Variants in SYNJ1 observed in about 807,000 individuals in gnomAD.
The protein encoded by SYNJ1 is synaptojanin 1.
In SYNJ1, 78 loss-of-function variants were observed where a neutral mutation model predicts 168.2. That is an observed-to-expected ratio of 0.46 (90% CI 0.39 to 0.56). The LOEUF is 0.56. Ranked by LOEUF, SYNJ1 falls within the 20% of genes least tolerant of loss-of-function variation. The pLI, the probability that SYNJ1 is intolerant of heterozygous loss-of-function variation, is 0.00. For missense variants in SYNJ1, 1,303 were observed against 1,597.6 expected (o/e 0.82, Z 3.14); for synonymous variants, 539 against 548.6 (o/e 0.98, Z 0.24).
At chr21:32,691,223 T>A (rs1000683028) in intron 6 of SYNJ1, among the ~76,000 whole-genome samples, 1 of 152,200 alleles carries the variant, frequency 6.6e-6, no homozygotes, top group Non-Finnish European at 1.5e-5. Context: ...TGCCCCCTTG[T>A]ATTGTTCTCA....
chr21:32,701,565 A>C (rs2042401812), intron 3 of SYNJ1, among the ~76,000 whole-genome samples: 2 of 151,964 alleles, frequency 1.3e-5, no homozygotes, highest in Admixed American at 6.6e-5. Context: ...AAAAGGCTCA[A>C]GCAGACACTT....
At chr21:32,638,618 A>C (rs1444522587) in intron 31 of SYNJ1, among the ~76,000 whole-genome samples, 2 of 152,012 alleles carry the variant, frequency 1.3e-5, no homozygotes, top group African/African-American at 4.8e-5. Context: ...AATCGCTTGA[A>C]CCCGGGAGGC....
intron 2 of SYNJ1, among the ~76,000 whole-genome samples, chr21:32,713,903 G>A (rs2042930060): frequency 6.6e-6 from 1 of 152,222 alleles, no homozygotes; most frequent in Admixed American, 6.5e-5. Flanking sequence ...GGTCTGAATA[G>A]TGATTATCTT....
At chr21:32,668,168 G>A (rs1485517969) in intron 15 of SYNJ1, among the ~76,000 whole-genome samples, 1 of 151,964 alleles carries the variant, frequency 6.6e-6, no homozygotes, top group Non-Finnish European at 1.5e-5. Flanking sequence ...AGGTTCAAGC[G>A]ATTCTCCCTG....
rs930635623 is a variant in SYNJ1, at chr21:32,666,427, A to C, written c.1952+6T>G. 1.2e-6 allele frequency: 2 copies of C among 1,612,780 alleles called. No homozygotes were observed. The highest frequency in any genetic ancestry group is 2.7e-5 in the African/African-American group (2 of 74,964). ...GTAGCCTTAGAGGAGTGTTCTGTTT[A>C]CTGACCTGATAAAAGGAGCATGCTG... is the stretch of plus-strand genomic sequence containing the variant. On this transcript the variant is annotated splice_donor_region_variant and intron_variant, in intron 16 of 32. Transcript: ENST00000674351.
chr21:32,716,763 T>C (rs2043037522), intron 2 of SYNJ1, among the ~76,000 whole-genome samples: 1 of 152,216 alleles, frequency 6.6e-6, no homozygotes, highest in South Asian at 2.1e-4. Flanking sequence ...GGGATCCACA[T>C]ATTCATGTAT....
At chr21:32,646,313 T>C in intron 24 of SYNJ1, 80 bp downstream of exon 24, 1 of 1,416,456 alleles carries the variant, frequency 7.1e-7, no homozygotes, top group Non-Finnish European at 9.8e-7. Flanking sequence ...CACCTAGGTA[T>C]GAAACTTAAA....
intron 23 of SYNJ1, 69 bp downstream of exon 23, chr21:32,650,115 A>C (rs1427836756): frequency 1.3e-6 from 2 of 1,503,374 alleles, no homozygotes; most frequent in Non-Finnish European, 1.8e-6. Context: ...AACTTGGAAA[A>C]TAAGACTTTA....
intron 2 of SYNJ1, among the ~76,000 whole-genome samples, chr21:32,723,480 C>T (rs1179352600): frequency 6.6e-6 from 1 of 152,184 alleles, no homozygotes. Flanking sequence ...AAGAAAAACA[C>T]CTACATATGA....
rs772312492 is a variant in SYNJ1, at chr21:32,644,985, G to C, written c.3413C>G (p.Thr1138Ser). 1.2e-6 allele frequency: 2 copies of C among 1,607,948 alleles called. No homozygotes were observed. Among genetic ancestry groups the C allele is most frequent in the Non-Finnish European group, 1.7e-6 (2 of 1,177,928 alleles). The change falls in exon 26 of 33, where the codon ACT becomes AGT. Residue 1138 changes from threonine to serine, a missense_variant. Physicochemically the swap from Thr to Ser is moderately conservative, Grantham distance 58. Around this residue, in one of 2 missense-constraint regions of SYNJ1, gnomAD observed 383 missense variants for 388.8 expected, o/e 0.99. Transcript: ENST00000674351. ...PPSGARSPAP[T>S]RKEFGGIGAP... ...ATGGTTACCTCCAAATTCCTTTCTAGTGGGTGCAGGACTCCTAGCCCCTTA... is the reference window on the plus strand; with the variant it reads ...ATGGTTACCTCCAAATTCCTTTCTACTGGGTGCAGGACTCCTAGCCCCTTA...
chr21:32,683,738 T>A (rs1054288694), intron 10 of SYNJ1, among the ~76,000 whole-genome samples: 69 of 152,086 alleles, frequency 4.5e-4, no homozygotes, highest in African/African-American at 1.6e-3. Context: ...CACACATATA[T>A]ATTTCCTCCA....
rs138513544 is a variant in SYNJ1, at chr21:32,695,789, C to T, written c.480-507G>A. ...GCGATTCTTCTGCCTCAGCCTCCCA[C>T]GTAGCTGGGATTACAGGCATGCACC... On this transcript the variant is annotated intron_variant, in intron 4 of 32. Coordinates refer to ENST00000674351, the MANE Select transcript of SYNJ1 (RefSeq NM_203446.3). Among the ~76,000 whole-genome samples the T allele has an allele frequency of 1.2e-3, 174 of 150,630 alleles. 1 individual carries two copies. The East Asian group carries it at 0.032, about 27-fold the overall frequency.
intron 18 of SYNJ1, among the ~76,000 whole-genome samples, chr21:32,659,121 C>A (rs960359804): frequency 1.3e-5 from 2 of 151,018 alleles, no homozygotes; most frequent in Non-Finnish European, 1.5e-5. Flanking sequence ...TTAATAAATT[C>A]TTCCCAAATT....
rs773810692 is a variant in SYNJ1, at chr21:32,643,581, A to T, written c.3431-124T>A. The T allele has an allele frequency of 5.3e-6, 5 of 941,066 alleles. No homozygotes were observed. The East Asian group carries it at 1.3e-4, about 24-fold the overall frequency. 58.3% of individuals were successfully genotyped at this position (941,066 alleles called of 1,614,324 possible). ...GCAAAAAGGCTCTTTTATTGCTTTA[A>T]ATTTCTTCAAAGATATCAATACAAA... On this transcript the variant is annotated intron_variant, in intron 26 of 32. Transcript: ENST00000674351.
chr21:32,644,369 A>C (rs1406980817), intron 26 of SYNJ1, among the ~76,000 whole-genome samples: 1 of 152,228 alleles, frequency 6.6e-6, no homozygotes, highest in Non-Finnish European at 1.5e-5. Flanking sequence ...GCAAGCTACA[A>C]TAGAAACAGA....
chr21:32,633,194 A>C (rs770201035), intron 32 of SYNJ1, among the ~76,000 whole-genome samples: 1 of 152,176 alleles, frequency 6.6e-6, no homozygotes, highest in Admixed American at 6.5e-5. Flanking sequence ...CTACAACCAC[A>C]ATGATGTGCC....
At chr21:32,720,877 A>C (rs993335432) in intron 2 of SYNJ1, among the ~76,000 whole-genome samples, 2 of 152,246 alleles carry the variant, frequency 1.3e-5, no homozygotes, top group Non-Finnish European at 2.9e-5. Flanking sequence ...TATAATTATG[A>C]AATGAATCAT....
chr21:32,666,461 T>G lies in SYNJ1; in HGVS notation c.1924A>C (p.Ile642Leu). Residue 642 changes from isoleucine to leucine, a missense_variant, in exon 16 of 33, where the codon ATC (isoleucine) becomes CTC (leucine). Around this residue, in one of 2 missense-constraint regions of SYNJ1, gnomAD observed 920 missense variants for 1,208.8 expected, o/e 0.76. Coordinates refer to ENST00000674351, the MANE Select transcript of SYNJ1 (RefSeq NM_203446.3). ...QLVGVCLFVF[I>L]RPQHAPFIRD... ...ATAAAAGGAGCATGCTGTGGTCTGA[T>G]AAAAACAAACAAACAGACGCCCACC... is the stretch of plus-strand genomic sequence containing the variant. 6.2e-7 allele frequency: 1 copy of G among 1,614,056 alleles called. No individual in the cohort carries two copies. The highest frequency in any genetic ancestry group is 8.5e-7 in the Non-Finnish European group (1 of 1,179,970).
intron 1 of SYNJ1, among the ~76,000 whole-genome samples, chr21:32,727,423 G>C (rs1272883331): frequency 6.6e-6 from 1 of 152,220 alleles, no homozygotes; most frequent in Non-Finnish European, 1.5e-5. Context: ...GGCTCTCCCG[G>C]GGGTGGCGAT....
Sources: allele counts gnomAD v4.1 joint callset (sites outside exome capture counted in the v4.1 genomes callset), GRCh38; gene constraint gnomAD v4.1.1; regional missense constraint gnomAD v4.1.1; transcripts MANE v1.5; gene names NCBI Gene and HGNC (gene_info 2026-07-23, HGNC 2026-07-21).